The following ADCY2 variants were observed in gnomAD, a reference collection of about 807,000 sequenced individuals.
The protein encoded by ADCY2 is adenylate cyclase 2, also known as adenylate cyclase type 2.
A neutral mutation model predicts 125.2 loss-of-function variants in ADCY2; 31 were observed. That is an observed-to-expected ratio of 0.25 (90% CI 0.19 to 0.33). ADCY2 has a LOEUF of 0.33. Among genes scored for constraint, ADCY2 ranks in the 10% least tolerant of loss-of-function variants. The probability of loss-of-function intolerance (pLI) is 1.00; values close to 1 mark genes in which losing one functional copy is unlikely to be tolerated. For missense variants in ADCY2, 904 were observed against 1,418.2 expected (o/e 0.64, Z 5.82); for synonymous variants, 512 against 548.4 (o/e 0.93, Z 0.93).
chr5:7,642,053 G>A (rs1174671659), intron 4 of ADCY2, among the ~76,000 whole-genome samples: 2 of 152,168 alleles, frequency 1.3e-5, no homozygotes, highest in African/African-American at 4.8e-5. Flanking sequence ...TAATGGGATT[G>A]CCAGGTGGAA....
chr5:7,637,431 CAA>C (rs71591740), intron 4 of ADCY2, among the ~76,000 whole-genome samples: 48 of 74,616 alleles, frequency 6.4e-4, no homozygotes, highest in African/African-American at 1.7e-3. Context: ...GACTCCGTCT[CAA>C]AAAAAAAAAA....
At chr5:7,701,204 C>T (rs1741066104) in intron 7 of ADCY2, among the ~76,000 whole-genome samples, 1 of 151,806 alleles carries the variant, frequency 6.6e-6, no homozygotes, top group Non-Finnish European at 1.5e-5. Context: ...GTTTTATTTC[C>T]TTTTCAATTA....
Position 7,471,549 on chromosome 5 carries a change from T to C in ADCY2, c.409-49189T>C. On this transcript the variant is annotated intron_variant, in intron 2 of 24. Transcript: ENST00000338316. ...GTGCTATTTTTATATATCTTATTTT[T>C]ACCTATGCTACAAATCTATAATATG... Among the ~76,000 whole-genome samples the C allele has an allele frequency of 1.3e-5, 2 of 152,168 alleles. 1 individual carries two copies. Among genetic ancestry groups the C allele is most frequent in the South Asian group, 4.1e-4 (2 of 4,830 alleles).
At chr5:7,598,581 G>A (rs891083825) in intron 3 of ADCY2, among the ~76,000 whole-genome samples, 1 of 152,214 alleles carries the variant, frequency 6.6e-6, no homozygotes, top group Non-Finnish European at 1.5e-5. Context: ...ACATAGGGTA[G>A]TTGGAGGCCC....
At chr5:7,583,221 A>G (rs775576823) in intron 3 of ADCY2, among the ~76,000 whole-genome samples, 1 of 152,100 alleles carries the variant, frequency 6.6e-6, no homozygotes, top group East Asian at 1.9e-4. Context: ...AGTATACTTT[A>G]CTCATGAATT....
chr5:7,710,976 C>T (rs1194500460), intron 10 of ADCY2, among the ~76,000 whole-genome samples: 1 of 152,112 alleles, frequency 6.6e-6, no homozygotes, highest in African/African-American at 2.4e-5. Flanking sequence ...ATGATGATGC[C>T]ATTAATTGAG....
intron 2 of ADCY2, among the ~76,000 whole-genome samples, chr5:7,464,611 A>G (rs1048494345): frequency 6.6e-6 from 1 of 152,162 alleles, no homozygotes; most frequent in Non-Finnish European, 1.5e-5. Context: ...AGCTTAGGGC[A>G]TGGACCAGAG....
chr5:7,715,114 A>T (rs1741556963), intron 11 of ADCY2, among the ~76,000 whole-genome samples: 1 of 152,176 alleles, frequency 6.6e-6, no homozygotes, highest in East Asian at 1.9e-4. Flanking sequence ...GCCCCAGGGG[A>T]CCTTATCCTC....
intron 23 of ADCY2, among the ~76,000 whole-genome samples, chr5:7,820,230 C>T (rs1044911855): frequency 3.3e-5 from 5 of 152,138 alleles, no homozygotes; most frequent in Non-Finnish European, 7.4e-5. Context: ...CGGTGGCTCA[C>T]TCCTGTAATC....
chr5:7,826,100 G>A (rs934122739), intron 24 of ADCY2, among the ~76,000 whole-genome samples: 1 of 152,160 alleles, frequency 6.6e-6, no homozygotes, highest in Non-Finnish European at 1.5e-5. Context: ...ATGCTCATGC[G>A]GACACCAGTG....
chr5:7,582,012 A>G (rs1398265288), intron 3 of ADCY2, among the ~76,000 whole-genome samples: 1 of 152,156 alleles, frequency 6.6e-6, no homozygotes, highest in Non-Finnish European at 1.5e-5. Context: ...AAGCAAGACC[A>G]AGTTATATGT....
chr5:7,662,492 C>T (rs1047308642), intron 4 of ADCY2, among the ~76,000 whole-genome samples: 1 of 152,216 alleles, frequency 6.6e-6, no homozygotes, highest in African/African-American at 2.4e-5. Context: ...GACAGATGTC[C>T]TCCTGCCTCT....
intron 4 of ADCY2, among the ~76,000 whole-genome samples, chr5:7,685,444 C>T (rs997650520): frequency 6.6e-6 from 1 of 152,200 alleles, no homozygotes; most frequent in Non-Finnish European, 1.5e-5. Context: ...GGTGGAATCC[C>T]ATCTTCTCCT....
chr5:7,525,088 C>T lies in ADCY2; in HGVS notation c.570+4189C>T, dbSNP rs1179913909. Among the ~76,000 whole-genome samples the T allele has an allele frequency of 6.6e-5, 10 of 152,074 alleles. No individual in the cohort carries two copies. The East Asian group carries it at 1.9e-3, about 29-fold the overall frequency. On this transcript the variant is annotated intron_variant, in intron 3 of 24. Coordinates refer to ENST00000338316, the MANE Select transcript of ADCY2 (RefSeq NM_020546.3). ...TGTAATCTCGGCCTGCTGCAACCTC[C>T]ACCTCCCGAGTTCAAGCAATTCTCC...
At position 7,708,967 on chromosome 5, in the gene ADCY2, T is replaced by C. The variant is rs755218271; in HGVS notation, c.1402-244T>C. Among the ~76,000 whole-genome samples, 45 of 152,142 alleles carry C rather than the reference T, an allele frequency of 3.0e-4. 1 individual carries two copies. The highest frequency in any genetic ancestry group is 4.7e-4 in the Non-Finnish European group (32 of 68,026). ...TTAAGAATTTACTTAATAAAAAATG[T>C]CCATTAACATATCATTATTTTTTTC... On this transcript the variant is annotated intron_variant, in intron 9 of 24. Transcript: ENST00000338316.
intron 3 of ADCY2, among the ~76,000 whole-genome samples, chr5:7,589,852 T>A (rs550049868): frequency 1.3e-3 from 201 of 152,272 alleles, no homozygotes; most frequent in African/African-American, 4.7e-3. Context: ...ATCCCCTTTT[T>A]CCTCTCCCAG....
chr5:7,591,035 T>C (rs1736835523), intron 3 of ADCY2, among the ~76,000 whole-genome samples: 2 of 152,226 alleles, frequency 1.3e-5, no homozygotes. Flanking sequence ...AAAATTATAG[T>C]AGGCAAATTT....
chr5:7,509,648 A>G (rs1743982726), intron 2 of ADCY2, among the ~76,000 whole-genome samples: 1 of 152,136 alleles, frequency 6.6e-6, no homozygotes, highest in African/African-American at 2.4e-5. Context: ...TTTGATCGTT[A>G]CTCTTTTGAA....
chr5:7,453,919 C>T (rs532063506), intron 2 of ADCY2, among the ~76,000 whole-genome samples: 1 of 152,270 alleles, frequency 6.6e-6, no homozygotes, highest in East Asian at 1.9e-4. Context: ...CTTAAATGCA[C>T]CTGTGTGAGC....
Sources: allele counts gnomAD v4.1 joint callset (sites outside exome capture counted in the v4.1 genomes callset), GRCh38; gene constraint gnomAD v4.1.1; transcripts MANE v1.5; gene names NCBI Gene and HGNC (gene_info 2026-07-23, HGNC 2026-07-21).